ANKAR: variants seen among roughly 807,000 people sequenced by gnomAD.
The protein encoded by ANKAR is ankyrin and armadillo repeat-containing protein.
ANKAR carries 136 observed loss-of-function variants against 146.2 expected under a neutral mutation model. The observed-to-expected ratio is 0.93, with a 90% confidence interval of 0.81 to 1.07. ANKAR has a LOEUF of 1.07. ANKAR is among the 50% of genes least tolerant of loss of function. ANKAR has a pLI of 0.00. For missense variants in ANKAR, 1,567 were observed against 1,679.9 expected (o/e 0.93, Z 1.18); for synonymous variants, 500 against 575.8 (o/e 0.87, Z 1.88).
At chr2:189,750,572 C>G (rs1418917905), downstream of ANKAR, 12 of 1,520,990 alleles carry the variant, frequency 7.9e-6, no homozygotes, top group South Asian at 2.4e-5. Flanking sequence ...TTTTGAACAG[C>G]AGAAATCATA....
intron 18 of ANKAR, chr2:189,755,291 G>T (rs1262520739): frequency 1.2e-6 from 2 of 1,613,268 alleles, no homozygotes; most frequent in South Asian, 1.1e-5. Context: ...AACTAAAAAA[G>T]GAAATTCTAC....
At position 189,731,196 on chromosome 2, in the gene ANKAR, C is replaced by T. The variant is rs543479042; in HGVS notation, c.3300+595C>T. ...TAATAAAATGACATTTACATCTATT[C>T]AAATACTCTTACCCAGGCTTTAGAA... On this transcript the variant is annotated intron_variant, in intron 16 of 22. Coordinates refer to ENST00000684021, the MANE Select transcript of ANKAR (RefSeq NM_001378068.1). 5.3e-5 allele frequency among the ~76,000 whole-genome samples: 8 copies of T among 152,128 alleles called. 1 individual carries two copies. The East Asian group carries it at 1.5e-3, about 29-fold the overall frequency.
intron 2 of ANKAR, among the ~76,000 whole-genome samples, chr2:189,678,524 G>A (rs2034127262): frequency 6.6e-6 from 1 of 152,172 alleles, no homozygotes; most frequent in African/African-American, 2.4e-5. Flanking sequence ...CCAATGTCTA[G>A]AAGGGTTTGT....
At chr2:189,702,928 G>A (rs1188286694) in intron 7 of ANKAR, among the ~76,000 whole-genome samples, 1 of 152,126 alleles carries the variant, frequency 6.6e-6, no homozygotes, top group East Asian at 1.9e-4. Flanking sequence ...AGTCCAGGGT[G>A]GACAGATAAT....
intron 2 of ANKAR, among the ~76,000 whole-genome samples, chr2:189,680,995 G>A (rs1398854246): frequency 3.4e-5 from 2 of 59,340 alleles, no homozygotes; most frequent in African/African-American, 1.2e-4. Flanking sequence ...TTCCAACAGC[G>A]GTAGAGCCTT....
Position 189,728,743 on chromosome 2 carries a change from G to A in ANKAR, c.3115G>A (p.Val1039Ile). 1.2e-6 allele frequency: 2 copies of A among 1,614,086 alleles called. No individual in the cohort carries two copies. The highest frequency in any genetic ancestry group is 1.1e-5 in the South Asian group (1 of 91,084). Reference protein sequence around the residue: ...ICEGNGIAPLVRLLRISTIAE... With the variant: ...ICEGNGIAPLIRLLRISTIAE... ...TGAAGGGAATGGAATTGCACCATTGGTTCGCTTACTAAGAATTAGTACGAT... is the reference window on the plus strand; with the variant it reads ...TGAAGGGAATGGAATTGCACCATTGATTCGCTTACTAAGAATTAGTACGAT... Residue 1039 changes from valine (V) to isoleucine (I), a missense_variant, in exon 15 of 23, where the codon GTT becomes ATT. Coordinates refer to ENST00000684021, the MANE Select transcript of ANKAR (RefSeq NM_001378068.1).
chr2:189,710,158 G>A (rs1446759879), intron 9 of ANKAR, among the ~76,000 whole-genome samples: 1 of 152,206 alleles, frequency 6.6e-6, no homozygotes, highest in African/African-American at 2.4e-5. Context: ...ATATAGCCAA[G>A]CTAGATTCAG....
chr2:189,758,333 A>G (rs1265583100), intron 18 of ANKAR, among the ~76,000 whole-genome samples: 1 of 151,908 alleles, frequency 6.6e-6, no homozygotes, highest in Non-Finnish European at 1.5e-5. Context: ...ATGAGCCAAG[A>G]TTGCACCATT....
intron 18 of ANKAR, chr2:189,755,296 T>C (rs2045929349): frequency 1.2e-6 from 2 of 1,613,362 alleles, no homozygotes; most frequent in Admixed American, 1.7e-5. Context: ...AAAAAGGAAA[T>C]TCTACTTTAT....
chr2:189,743,550 A>C (rs534257252), intron 21 of ANKAR, 76 bp downstream of exon 21: 20 of 1,284,902 alleles, frequency 1.6e-5, no homozygotes, highest in Non-Finnish European at 2.2e-5. Context: ...GTAAGATCCA[A>C]CAAGAGGAAC....
chr2:189,689,159 A>T (rs1301237475), intron 2 of ANKAR, among the ~76,000 whole-genome samples: 1 of 152,106 alleles, frequency 6.6e-6, no homozygotes, highest in Non-Finnish European at 1.5e-5. Flanking sequence ...ATAGTTTGGT[A>T]TCTTATTGCC....
At chr2:189,679,244 C>A (rs1295720137) in intron 2 of ANKAR, among the ~76,000 whole-genome samples, 2 of 151,974 alleles carry the variant, frequency 1.3e-5, no homozygotes, top group African/African-American at 4.8e-5. Flanking sequence ...GGATTGAGTT[C>A]TTGATTTGAG....
chr2:189,755,321 G>C (rs747837849), intron 18 of ANKAR: 1 of 1,613,540 alleles, frequency 6.2e-7, no homozygotes, highest in East Asian at 2.2e-5. Context: ...CAACCTAATA[G>C]TAAGTGCATG....
At chr2:189,746,344 T>C in intron 22 of ANKAR, 36 bp from the exon 23 acceptor site, 2 of 1,569,166 alleles carry the variant, frequency 1.3e-6, no homozygotes, top group Non-Finnish European at 1.7e-6. Flanking sequence ...TACCTAGGGC[T>C]CTCAGGAGAG....
At chr2:189,725,279 TACACACAC>T (rs10546393) in intron 12 of ANKAR, among the ~76,000 whole-genome samples, 5,302 of 146,256 alleles carry the variant, frequency 0.036, 283 homozygotes, top group African/African-American at 0.12. Context: ...TATGGATTTA[TACACACAC>T]ACACACACAC....
At chr2:189,688,039 A>G (rs2035860977) in intron 2 of ANKAR, among the ~76,000 whole-genome samples, 1 of 152,206 alleles carries the variant, frequency 6.6e-6, no homozygotes, top group Non-Finnish European at 1.5e-5. Context: ...ATCTTTGTCC[A>G]GACTGATATC....
At chr2:189,754,873 A>G in intron 18 of ANKAR, 1 of 352,580 alleles carries the variant, frequency 2.8e-6, no homozygotes, top group Non-Finnish European at 5.1e-6. Flanking sequence ...TTTTTGCAGT[A>G]TGTTAGTTTA....
rs767058996 is a variant in ANKAR, at chr2:189,720,767, G to T, written c.2615G>T (p.Arg872Ile). Residue 872 changes from arginine (R) to isoleucine (I), a missense_variant, in exon 12 of 23, where the codon AGA becomes ATA. Physicochemically the swap from Arg to Ile is moderately conservative, Grantham distance 97. Transcript: ENST00000684021. ...CATAAAGGCCTCCCATATCTTATCA[G>T]ATTTCTGAGTTCTGATTCAGGTGAG... The part of the protein sequence containing the change: ...REHKGLPYLI[R>I]FLSSDSDVLK... The T allele has an allele frequency of 1.7e-5, 26 of 1,493,936 alleles. No homozygotes were observed. The highest frequency in any genetic ancestry group is 2.9e-5 in the African/African-American group (2 of 69,122). 92.5% of individuals were successfully genotyped at this position (1,493,936 alleles called of 1,614,324 possible).
chr2:189,704,983 T>C (rs756706789), intron 7 of ANKAR, 40 bp from the exon 8 acceptor site: 20 of 1,581,340 alleles, frequency 1.3e-5, no homozygotes, highest in Middle Eastern at 1.7e-4. Context: ...TTAGGAATGG[T>C]AGTGCTGTGA....
Sources: gnomAD v4.1 joint callset for allele counts (sites outside exome capture counted in the v4.1 genomes callset) on GRCh38, gnomAD v4.1.1 for gene constraint, MANE v1.5 for transcripts, NCBI Gene and HGNC (gene_info 2026-07-23, HGNC 2026-07-21) for gene names.